SPARC: variants seen among roughly 807,000 people sequenced by gnomAD.
The protein encoded by SPARC is secreted protein acidic and cysteine rich, also known as basement-membrane protein 40.
Under a neutral mutation model 37.7 loss-of-function variants are expected in SPARC, and 23 were observed. That is an observed-to-expected ratio of 0.61 (90% CI 0.44 to 0.87). The LOEUF (loss-of-function observed/expected upper bound fraction) is 0.87, where lower values mean the gene tolerates loss of function less well. Ranked by LOEUF, SPARC falls within the 40% of genes least tolerant of loss-of-function variation. The pLI is 0.00. For missense variants in SPARC, 312 were observed against 389.0 expected (o/e 0.80, Z 1.66); for synonymous variants, 155 against 150.8 (o/e 1.03, Z -0.20).
In SPARC at chr5:151,666,021, G is replaced by A. The variant is rs375640126; in HGVS notation, c.734+340C>T. ...GATGTTCTGCTGAAGGACAGGGGGC[G>A]TGTGGCTGACCCAACCTTGTCCCCT... On this transcript the variant is annotated intron_variant, in intron 8 of 9. Coordinates refer to ENST00000231061, the MANE Select transcript of SPARC (RefSeq NM_003118.4). Among the ~76,000 whole-genome samples, 153 of 152,300 alleles carry A rather than the reference G, an allele frequency of 1.0e-3. 2 individuals are homozygous for A. The highest frequency in any genetic ancestry group is 3.2e-3 in the African/African-American group (134 of 41,564).
intron 3 of SPARC, 52 bp downstream of exon 3, chr5:151,674,560 G>A: frequency 1.9e-6 from 3 of 1,559,952 alleles, no homozygotes; most frequent in Non-Finnish European, 2.7e-6. Context: ...ATTTCTCAGG[G>A]CACAGATACA....
chr5:151,672,794 G>A (rs1029094214), intron 4 of SPARC: 3 of 301,808 alleles, frequency 9.9e-6, no homozygotes, highest in African/African-American at 4.2e-5. Flanking sequence ...GGGAGATTTC[G>A]GTGACCAGAT....
chr5:151,666,871 C>T (rs1760635559), intron 7 of SPARC, among the ~76,000 whole-genome samples: 1 of 152,138 alleles, frequency 6.6e-6, no homozygotes, highest in Admixed American at 6.5e-5. Flanking sequence ...ACTAAAAATA[C>T]AAAAATTAGC....
intron 9 of SPARC, 134 bp from the exon 10 acceptor site, chr5:151,663,733 C>A: frequency 1.2e-6 from 1 of 814,240 alleles, no homozygotes; most frequent in South Asian, 1.5e-5. Context: ...CCCAGGAAGT[C>A]AGTGACGGAG....
intron 2 of SPARC, among the ~76,000 whole-genome samples, chr5:151,675,106 T>C (rs1760828271): frequency 6.6e-6 from 1 of 152,168 alleles, no homozygotes. Flanking sequence ...ATTAGGCAAT[T>C]TTTCTTGCCA....
chr5:151,676,211 G>A lies in SPARC; in HGVS notation c.-13-10C>T, dbSNP rs749079895. 31 of 1,602,954 alleles carry A rather than the reference G, an allele frequency of 1.9e-5. No individual in the cohort carries two copies. The highest frequency in any genetic ancestry group is 2.6e-5 in the Non-Finnish European group (30 of 1,173,824). The stretch of plus-strand genomic sequence containing the variant: ...CATGGTGCTGGGAACCCTATGGGGA[G>A]GAGAGATTGAGAGTTCAGTGAGGGT... On this transcript the variant is annotated splice_polypyrimidine_tract_variant and intron_variant, in intron 1 of 9. Transcript: ENST00000231061.
intron 2 of SPARC, among the ~76,000 whole-genome samples, chr5:151,675,560 C>T (rs1055025899): frequency 3.3e-5 from 5 of 152,168 alleles, no homozygotes; most frequent in Non-Finnish European, 7.4e-5. Context: ...GGAGTTGATT[C>T]ATTCAGACAG....
chr5:151,663,855 C>T (rs1378392899), intron 9 of SPARC, among the ~76,000 whole-genome samples: 5 of 152,110 alleles, frequency 3.3e-5, no homozygotes, highest in Admixed American at 6.5e-5. Flanking sequence ...GTGTTTAGCA[C>T]GGGTGAGTGC....
At chr5:151,667,631 A>G (rs778396655) in intron 6 of SPARC, 31 bp from the exon 7 acceptor site, 12 of 1,612,098 alleles carry the variant, frequency 7.4e-6, no homozygotes, top group Non-Finnish European at 1.0e-5. Context: ...CGGTCAGCAC[A>G]GACCCTGCCT....
intron 3 of SPARC, 101 bp from the exon 4 acceptor site, chr5:151,673,317 G>A (rs1760787149): frequency 3.6e-6 from 3 of 828,712 alleles, no homozygotes; most frequent in South Asian, 1.4e-5. Flanking sequence ...CAAACGCAGG[G>A]TTGGGAATCC....
At chr5:151,672,619 G>C (rs1760771936) in intron 4 of SPARC, 1 of 156,646 alleles carries the variant, frequency 6.4e-6, no homozygotes, top group African/African-American at 2.4e-5. Flanking sequence ...CTCTCCCAGG[G>C]CACTAACGCA....
rs80027612 is a variant in SPARC, at chr5:151,682,842, G to A, written c.-14+4023C>T. Among the ~76,000 whole-genome samples, 823 of 152,340 alleles carry A rather than the reference G, an allele frequency of 5.4e-3. 9 individuals carry two copies. The highest frequency in any genetic ancestry group is 0.019 in the African/African-American group (774 of 41,576). On this transcript the variant is annotated intron_variant, in intron 1 of 9. Coordinates refer to ENST00000231061, the MANE Select transcript of SPARC (RefSeq NM_003118.4). ...ATGACTAACATCAAGATGACCCAGA[G>A]TGATCCCCAGATGAGAGAAGTTAAT...
At position 151,662,989 on chromosome 5, in the gene SPARC, C is replaced by G. The variant is rs1054204; in HGVS notation, c.*582G>C. On this transcript the variant is annotated 3_prime_UTR_variant, in exon 10 of 10. Transcript: ENST00000231061. ...TGTGAGAATGTCTATATTTTCATAA[C>G]ACAGCCCCAGAATCTTTCTCTCAGT... is the stretch of plus-strand genomic sequence containing the variant. 68,182 of 152,260 alleles carry G rather than the reference C, an allele frequency of 0.45. 16,171 individuals carry two copies. The highest frequency in any genetic ancestry group is 0.55 in the Admixed American group (8,350 of 15,294). 9.4% of individuals were successfully genotyped at this position (152,260 alleles called of 1,614,324 possible).
chr5:151,685,420 T>TCACACACACACACACACACA (rs368789187), intron 1 of SPARC, among the ~76,000 whole-genome samples: 1 of 107,158 alleles, frequency 9.3e-6, no homozygotes. Context: ...TCCCTCTCTC[T>TCACACACACACACACACACA]CTCACACACA....
rs752879554 is a variant in SPARC at position 151,669,734 on chromosome 5, G to A, written c.381C>T (p.Ala127=). The A allele has an allele frequency of 1.9e-6, 3 of 1,614,202 alleles. No homozygotes were observed. In the East Asian group the frequency reaches 6.7e-5, roughly 36 times the overall value. The stretch of plus-strand genomic sequence containing the variant: ...TGGTGCCCTCCAGGGTGCACTTTGT[G>A]GCAAAGAAGTGGCAGGAAGAGTCGA... The part of the protein sequence containing the change: ...KTFDSSCHFF[A]TKCTLEGTKK... Residue 127 remains alanine (A), a synonymous_variant, in exon 6 of 10, where the codon GCC becomes GCT. Coordinates refer to ENST00000231061, the MANE Select transcript of SPARC (RefSeq NM_003118.4).
intron 1 of SPARC, among the ~76,000 whole-genome samples, chr5:151,681,657 CAAG>C (rs1396239816): frequency 1.3e-5 from 2 of 152,178 alleles, no homozygotes; most frequent in African/African-American, 4.8e-5. Flanking sequence ...TTTGGGAGGC[CAAG>C]GAGGGTAGAT....
chr5:151,666,630 C>T lies in SPARC; in HGVS notation c.586-121G>A, dbSNP rs112098260. 69 of 819,532 alleles carry T rather than the reference C, an allele frequency of 8.4e-5. No individual in the cohort carries two copies. The African/African-American group carries it at 1.1e-3, about 13-fold the overall frequency. The allele number at this position is 819,532 out of a possible 1,614,324, so 50.8% of individuals were successfully genotyped here. Reference sequence around the variant, plus strand: ...AGACTAGCCAGACCAAAGCTCACAGCGAGGGGAGGGAGGTGTCATAGATGG... The same window carrying T: ...AGACTAGCCAGACCAAAGCTCACAGTGAGGGGAGGGAGGTGTCATAGATGG... On this transcript the variant is annotated intron_variant, in intron 7 of 9. Coordinates refer to ENST00000231061, the MANE Select transcript of SPARC (RefSeq NM_003118.4).
intron 5 of SPARC, 86 bp downstream of exon 5, chr5:151,671,487 C>T (rs1760747061): frequency 6.8e-7 from 1 of 1,464,894 alleles, no homozygotes; most frequent in Non-Finnish European, 9.1e-7. Context: ...CCCCATAGAA[C>T]CACCAAGCCA....
At chr5:151,673,356 T>C (rs1760788143) in intron 3 of SPARC, 140 bp from the exon 4 acceptor site, 1 of 692,018 alleles carries the variant, frequency 1.4e-6, no homozygotes, top group Non-Finnish European at 2.7e-6. Flanking sequence ...TGCTGTGTTT[T>C]GCAGTATGCC....
Sources: allele counts gnomAD v4.1 joint callset (sites outside exome capture counted in the v4.1 genomes callset), GRCh38; gene constraint gnomAD v4.1.1; transcripts MANE v1.5; gene names NCBI Gene and HGNC (gene_info 2026-07-23, HGNC 2026-07-21).